Variants in SNED1 observed in about 807,000 individuals in gnomAD.
SNED1 encodes sushi, nidogen and EGF like domains 1, also known as sushi, nidogen and EGF-like domain-containing protein 1.
SNED1 carries 81 observed loss-of-function variants against 166.7 expected under a neutral mutation model. That is an observed-to-expected ratio of 0.49 (90% CI 0.41 to 0.58). The LOEUF (loss-of-function observed/expected upper bound fraction) is 0.58. Among genes scored for constraint, SNED1 ranks in the 20% least tolerant of loss-of-function variants. The pLI is 0.00. For synonymous variants in SNED1, 762 were observed against 822.0 expected, an observed-to-expected ratio of 0.93 and a Z score of 1.25; for missense variants, 1,604 against 2,000.2, an observed-to-expected ratio of 0.80 and a Z score of 3.78.
chr2:241,072,618 G>A, intron 26 of SNED1: 1 of 259,190 alleles, frequency 3.9e-6, no homozygotes. Context: ...AGAGTGGCAA[G>A]CAGGGACCAG....
At chr2:241,076,600 A>G (rs2063030539) in intron 27 of SNED1, among the ~76,000 whole-genome samples, 1 of 152,136 alleles carries the variant, frequency 6.6e-6, no homozygotes, top group Non-Finnish European at 1.5e-5. Flanking sequence ...ACCTGCTCAC[A>G]CCTGTAATCC....
At position 241,051,790 on chromosome 2, in the gene SNED1, G is replaced by C; in HGVS notation, c.1782G>C (p.Thr594=). The stretch of plus-strand genomic sequence containing the variant: ...CAGGGCCCTGCCGGAACGGGGGCAC[G>C]TGCAAGGAGGCGGGCGGCGAGTACC... ...CSSGPCRNGG[T]CKEAGGEYHC... is the part of the protein sequence containing the mutation. Residue 594 remains threonine, a synonymous_variant, in exon 13 of 32, where the codon ACG becomes ACC. Coordinates refer to ENST00000310397, the MANE Select transcript of SNED1 (RefSeq NM_001080437.3). The surrounding 1 kb of genome is among the most constrained non-coding windows in gnomAD (Gnocchi z 4.7). 6.4e-7 allele frequency: 1 copy of C among 1,558,398 alleles called. No individual in the cohort carries two copies. The highest frequency in any genetic ancestry group is 8.7e-7 in the Non-Finnish European group (1 of 1,151,822).
chr2:241,049,391 C>A (rs2061760748), intron 11 of SNED1, among the ~76,000 whole-genome samples: 2 of 152,188 alleles, frequency 1.3e-5, no homozygotes, highest in African/African-American at 4.8e-5. Context: ...CTTACCTAAG[C>A]CCCAACACAA....
At chr2:241,056,404 C>T (rs2062040739) in intron 16 of SNED1, among the ~76,000 whole-genome samples, 1 of 152,044 alleles carries the variant, frequency 6.6e-6, no homozygotes, top group African/African-American at 2.4e-5. Context: ...GCATGAACCA[C>T]TGTGCCCAGC....
chr2:241,036,931 A>T lies in SNED1; in HGVS notation c.931+16A>T. 1 of 1,603,770 alleles carries T rather than the reference A, an allele frequency of 6.2e-7. No homozygotes were observed. The highest frequency in any genetic ancestry group is 1.1e-5 in the South Asian group (1 of 90,108). On this transcript the variant is annotated intron_variant, in intron 5 of 31. Transcript: ENST00000310397. Reference sequence around the variant, plus strand: ...TGCCACCTGGGTGAGTGACTGGCCCAGGGCGGGACCACCCGCTGGCTGCGC... The same window carrying T: ...TGCCACCTGGGTGAGTGACTGGCCCTGGGCGGGACCACCCGCTGGCTGCGC...
rs770242741 is a variant in SNED1 at position 241,034,709 on chromosome 2, G to A, written c.784G>A (p.Val262Met). ...CAGAATCGATGATGCCCAGGTGCGCGTGGGGGGCTGCGGCCATACAAGTAA... is the reference window on the plus strand; with the variant it reads ...CAGAATCGATGATGCCCAGGTGCGCATGGGGGGCTGCGGCCATACAAGTAA... ...AFRIDDAQVR[V>M]GGCGHTTSVC... Residue 262 changes from valine to methionine, a missense_variant, in exon 4 of 32, where the codon GTG (valine) becomes ATG (methionine). Coordinates refer to ENST00000310397, the MANE Select transcript of SNED1 (RefSeq NM_001080437.3). The A allele has an allele frequency of 8.2e-6, 13 of 1,580,574 alleles. No homozygotes were observed. The highest frequency in any genetic ancestry group is 4.0e-5 in the African/African-American group (3 of 74,138).
intron 8 of SNED1, among the ~76,000 whole-genome samples, chr2:241,044,778 T>C (rs1191896272): frequency 1.3e-5 from 2 of 152,214 alleles, no homozygotes; most frequent in Non-Finnish European, 1.5e-5. Flanking sequence ...GGGTATTGTT[T>C]TTCCCTTTCC....
Position 241,071,667 on chromosome 2 carries a change from G to GGCGCGC in SNED1, c.3681_3682insGCGCGC (p.Glu1227_Leu1228insAlaArg). 6.4e-7 allele frequency: 1 copy of GGCGCGC among 1,560,878 alleles called. No homozygotes were observed. Among genetic ancestry groups the GGCGCGC allele is most frequent in the Admixed American group, 1.9e-5 (1 of 54,028 alleles). On this transcript the variant is annotated inframe_insertion, in exon 25 of 32. Coordinates refer to ENST00000310397, the MANE Select transcript of SNED1 (RefSeq NM_001080437.3). Reference sequence around the variant, plus strand: ...GACCGCCCCCGGCGCGCCTGCCGGAGCTGCGCCTGCTCAATGACCACAGCG... The same window carrying GGCGCGC: ...GACCGCCCCCGGCGCGCCTGCCGGAGGCGCGCCTGCGCCTGCTCAATGACCACAGCG...
chr2:241,015,108 AAATGTAG>A (rs1257888403), intron 1 of SNED1, among the ~76,000 whole-genome samples: 1 of 152,206 alleles, frequency 6.6e-6, no homozygotes, highest in Non-Finnish European at 1.5e-5. Flanking sequence ...TTTTCACATA[AAATGTAG>A]AATTGGCTTA....
chr2:241,008,691 G>A (rs1010159983), intron 1 of SNED1, among the ~76,000 whole-genome samples: 3 of 152,234 alleles, frequency 2.0e-5, no homozygotes, highest in Admixed American at 1.3e-4. Flanking sequence ...GCCAGCAGGT[G>A]TCAGTTATTA....
In SNED1 at chr2:241,052,074, A is replaced by T; in HGVS notation, c.1886A>T (p.His629Leu). Residue 629 changes from histidine to leucine, a missense_variant, in exon 14 of 32, where the codon CAC becomes CTC. This residue lies in a region of SNED1 where 1,237 missense variants were observed against 1,620.8 expected (regional missense o/e 0.76). Transcript: ENST00000310397. ...GACTCGTGTGCCTCTGGCCCCTGTC[A>T]CAACGGCGGCACCTGCTTCCACTAC... ...KPDSCASGPC[H>L]NGGTCFHYIG... 6.2e-7 allele frequency: 1 copy of T among 1,613,878 alleles called. No homozygotes were observed. Among genetic ancestry groups the T allele is most frequent in the Middle Eastern group, 1.6e-4 (1 of 6,062 alleles).
rs2064159598 is a variant in SNED1 at position 241,093,270 on chromosome 2, A to G, written c.*1634A>G. On this transcript the variant is annotated 3_prime_UTR_variant, in exon 32 of 32. Coordinates refer to ENST00000310397, the MANE Select transcript of SNED1 (RefSeq NM_001080437.3). ...CCACGTTCACAAACGCGTACTGCGGACTTCCTGCCGCCCTGGGACCTGTCA... is the reference window on the plus strand; with the variant it reads ...CCACGTTCACAAACGCGTACTGCGGGCTTCCTGCCGCCCTGGGACCTGTCA... The G allele has an allele frequency of 6.5e-6, 1 of 152,682 alleles. No homozygotes were observed. Among genetic ancestry groups the G allele is most frequent in the Non-Finnish European group, 1.5e-5 (1 of 68,048 alleles). The allele number at this position is 152,682 out of a possible 1,614,324, so 9.5% of individuals were successfully genotyped here.
chr2:241,030,506 G>T lies in SNED1; in HGVS notation c.436G>T (p.Ala146Ser). 1 of 1,613,944 alleles carries T rather than the reference G, an allele frequency of 6.2e-7. No individual in the cohort carries two copies. Among genetic ancestry groups the T allele is most frequent in the Non-Finnish European group, 8.5e-7 (1 of 1,179,896 alleles). The stretch of plus-strand genomic sequence containing the variant: ...CTTCCCCGAGCTCCTGGACTTCAAT[G>T]CCACCTGGGTTTTTGTTGCCACCTG... The part of the protein sequence containing the change: ...HYFPELLDFN[A>S]TWVFVATWYR... Residue 146 changes from alanine to serine, a missense_variant, in exon 2 of 32, where the codon GCC becomes TCC. By Grantham distance (99) the Ala-to-Ser change is moderately conservative. Coordinates refer to ENST00000310397, the MANE Select transcript of SNED1 (RefSeq NM_001080437.3).
At chr2:241,072,043 C>T (rs1002493293) in intron 26 of SNED1, 165 bp downstream of exon 26, 11 of 725,774 alleles carry the variant, frequency 1.5e-5, no homozygotes, top group Middle Eastern at 4.5e-4. Flanking sequence ...GCTCGTGGGC[C>T]GCCGGCAGCA....
In SNED1 at chr2:241,071,718, C is replaced by CCCCCCG; in HGVS notation, c.3732_3733insCCCCCG (p.Pro1243_Pro1244dup). ...CCCCCGAGACCCCCACCCAGCCCCC[C>CCCCCCG]AGGTACATGCCCCACCCATCGGCCC... On this transcript the variant is annotated inframe_insertion and splice_region_variant, in exon 25 of 32. Transcript: ENST00000310397. 1 of 1,503,676 alleles carries CCCCCCG rather than the reference C, an allele frequency of 6.7e-7. No individual in the cohort carries two copies. The highest frequency in any genetic ancestry group is 9.0e-7 in the Non-Finnish European group (1 of 1,112,820). 93.1% of individuals were successfully genotyped at this position (1,503,676 alleles called of 1,614,324 possible).
rs769652926 is a variant in SNED1 at position 241,065,528 on chromosome 2, C to T, written c.2943C>T (p.Phe981=). The T allele has an allele frequency of 6.2e-7, 1 of 1,612,974 alleles. No homozygotes were observed. The highest frequency in any genetic ancestry group is 1.1e-5 in the South Asian group (1 of 91,084). Residue 981 remains phenylalanine (F), a synonymous_variant, in exon 21 of 32, where the codon TTC becomes TTT. Transcript: ENST00000310397. ...AAGRAYNISV[F]SVKRNSNNKN... Reference sequence around the variant, plus strand: ...GCAGGGCCTACAACATCTCCGTCTTCTCAGTGAAGCGAAACAGTAACAACA... The same window carrying T: ...GCAGGGCCTACAACATCTCCGTCTTTTCAGTGAAGCGAAACAGTAACAACA...
In SNED1 at chr2:241,062,121, T is replaced by A. The variant is rs187974170; in HGVS notation, c.2258-670T>A. The stretch of plus-strand genomic sequence containing the variant: ...ACTATTGTTTAGGCAATTTATAAAA[T>A]TTTTAAGCTAATTTTAATTACATAT... On this transcript the variant is annotated intron_variant, in intron 16 of 31. Coordinates refer to ENST00000310397, the MANE Select transcript of SNED1 (RefSeq NM_001080437.3). Among the ~76,000 whole-genome samples the A allele has an allele frequency of 7.6e-4, 116 of 152,310 alleles. No individual in the cohort carries two copies. In the East Asian group the frequency reaches 0.02, roughly 26 times the overall value.
At chr2:241,007,207 G>T (rs1401243534) in intron 1 of SNED1, among the ~76,000 whole-genome samples, 1 of 152,188 alleles carries the variant, frequency 6.6e-6, no homozygotes, top group Non-Finnish European at 1.5e-5. Flanking sequence ...GGGTGCAGAG[G>T]GTCATGAGGT....
In SNED1 at chr2:240,998,693, G is replaced by C. The variant is rs1380379141; in HGVS notation, c.-145G>C. ...GAGCGCGGCCCGGCCGAACGGGCGC[G>C]GGACGCGGAGCCCCCGACGGCGCGG... On this transcript the variant is annotated 5_prime_UTR_variant, in exon 1 of 32. Transcript: ENST00000310397. 1.2e-5 allele frequency: 2 copies of C among 172,330 alleles called. No homozygotes were observed. The highest frequency in any genetic ancestry group is 2.3e-5 in the Non-Finnish European group (2 of 88,662). 10.7% of individuals were successfully genotyped at this position (172,330 alleles called of 1,614,324 possible).
Sources: gnomAD v4.1 joint callset for allele counts (sites outside exome capture counted in the v4.1 genomes callset) on GRCh38, gnomAD v4.1.1 for gene constraint, gnomAD v4.1.1 regional missense constraint, Gnocchi (gnomAD v3.1) non-coding constraint, MANE v1.5 for transcripts, NCBI Gene and HGNC (gene_info 2026-07-23, HGNC 2026-07-21) for gene names.